SLC25A18: variants seen among roughly 807,000 people sequenced by gnomAD.
SLC25A18 encodes solute carrier family 25 member 18.
Under a neutral mutation model 31.1 loss-of-function variants are expected in SLC25A18, and 24 were observed. That is an observed-to-expected ratio of 0.77 (90% CI 0.56 to 1.08). The LOEUF (loss-of-function observed/expected upper bound fraction) is 1.08. SLC25A18 is among the 50% of genes least tolerant of loss of function. The pLI is 0.00. For missense variants in SLC25A18, 371 were observed against 418.5 expected (o/e 0.89, Z 0.99); for synonymous variants, 173 against 161.9 (o/e 1.07, Z -0.52).
chr22:17,581,463 G>A lies in SLC25A18; in HGVS notation c.199+50G>A, dbSNP rs766050016. 5 of 1,598,796 alleles carry A rather than the reference G, an allele frequency of 3.1e-6. No individual in the cohort carries two copies. In the Admixed American group the frequency reaches 6.7e-5, roughly 21 times the overall value. On this transcript the variant is annotated intron_variant, in intron 5 of 10. Transcript: ENST00000327451. ...GGCTGGGCAGCAGGTGTGAGCGTAT[G>A]GGACATGGGGAACTGGTGTTCCTTC...
intron 3 of SLC25A18, chr22:17,580,731 C>G: frequency 1.8e-6 from 2 of 1,133,904 alleles, no homozygotes; most frequent in East Asian, 1.0e-4. Flanking sequence ...GAGGACGGGC[C>G]GGGGAAGCTT....
chr22:17,568,324 A>G (rs1331954253), intron 1 of SLC25A18, among the ~76,000 whole-genome samples: 1 of 148,322 alleles, frequency 6.7e-6, no homozygotes, highest in Non-Finnish European at 1.5e-5. Flanking sequence ...CCGAGATGGC[A>G]CCACTGCCCT....
At chr22:17,572,021 A>C (rs1250545942) in intron 2 of SLC25A18, among the ~76,000 whole-genome samples, 6 of 151,006 alleles carry the variant, frequency 4.0e-5, no homozygotes, top group Non-Finnish European at 3.0e-5. Context: ...CCGTCTCAGA[A>C]AAAAAAAACA....
Position 17,583,216 on chromosome 22 carries a change from C to T in SLC25A18, c.291-200C>T, listed in dbSNP as rs116253601. 8.4e-3 allele frequency among the ~76,000 whole-genome samples: 1,274 copies of T among 152,322 alleles called. 15 individuals carry two copies. The highest frequency in any genetic ancestry group is 0.029 in the African/African-American group (1,194 of 41,562). On this transcript the variant is annotated intron_variant, in intron 6 of 10. Transcript: ENST00000327451. ...TGTTTTCAGCTTCCATGCGGTGCTACCTCCCTAGCAGGCTTTGTTTTAAAC... is the reference window on the plus strand; with the variant it reads ...TGTTTTCAGCTTCCATGCGGTGCTATCTCCCTAGCAGGCTTTGTTTTAAAC...
chr22:17,580,969 G>A lies in SLC25A18; in HGVS notation c.21-68G>A, dbSNP rs994896218. ...CTGTCTGTGCCCCTGCCCATTCCTG[G>A]CTGCATCCGCTCCCTAACCTGCCCC... On this transcript the variant is annotated intron_variant, in intron 3 of 10. Coordinates refer to ENST00000327451, the MANE Select transcript of SLC25A18 (RefSeq NM_031481.3). 2.0e-6 allele frequency: 3 copies of A among 1,488,492 alleles called. No individual in the cohort carries two copies. In the African/African-American group the frequency reaches 4.2e-5, roughly 21 times the overall value. The allele number at this position is 1,488,492 out of a possible 1,614,324, so 92.2% of individuals were successfully genotyped here. A position where few individuals can be genotyped will look rare whatever the true frequency, so the allele number is the denominator to read the frequency against.
rs764188022 is a variant in SLC25A18, at chr22:17,579,935, C to A, written c.-10C>A. ...CAGCCTTGTGTCCTGGGATCCCCAG[C>A]CCCTGCAGAATGACCCACCAGGATC... On this transcript the variant is annotated 5_prime_UTR_variant, in exon 3 of 11. Coordinates refer to ENST00000327451, the MANE Select transcript of SLC25A18 (RefSeq NM_031481.3). The A allele has an allele frequency of 6.2e-7, 1 of 1,609,860 alleles. No homozygotes were observed. Among genetic ancestry groups the A allele is most frequent in the Non-Finnish European group, 8.5e-7 (1 of 1,178,624 alleles).
intron 10 of SLC25A18, 134 bp from the exon 11 acceptor site, chr22:17,589,961 C>T (rs2057672445): frequency 1.8e-5 from 23 of 1,291,300 alleles, no homozygotes; most frequent in Non-Finnish European, 2.4e-5. Flanking sequence ...ACAGCTCCCA[C>T]ACCGTTGGCC....
intron 9 of SLC25A18, 88 bp from the exon 10 acceptor site, chr22:17,589,502 T>A: frequency 2.5e-6 from 3 of 1,205,000 alleles, no homozygotes; most frequent in Non-Finnish European, 3.6e-6. Flanking sequence ...ATGTGGTGGC[T>A]CTACAGGAGG....
At chr22:17,566,018 G>A (rs957187223) in intron 1 of SLC25A18, among the ~76,000 whole-genome samples, 7 of 152,090 alleles carry the variant, frequency 4.6e-5, no homozygotes, top group Non-Finnish European at 7.4e-5. Flanking sequence ...TTGAGGACCT[G>A]CCATACTGTC....
Position 17,579,717 on chromosome 22 carries a change from G to A in SLC25A18, c.-200-28G>A, listed in dbSNP as rs1006709905. ...GACGTGCGTCCTCGCCCATCTGTGA[G>A]GTGAGTGTTTCTCTGACTACTTTGC... is the stretch of plus-strand genomic sequence containing the variant. On this transcript the variant is annotated intron_variant, in intron 2 of 10. Coordinates refer to ENST00000327451, the MANE Select transcript of SLC25A18 (RefSeq NM_031481.3). 8 of 1,369,868 alleles carry A rather than the reference G, an allele frequency of 5.8e-6. No homozygotes were observed. The African/African-American group carries it at 7.3e-5, about 13-fold the overall frequency. The allele number at this position is 1,369,868 out of a possible 1,614,324, so 84.9% of individuals were successfully genotyped here. A position where few individuals can be genotyped will look rare whatever the true frequency, so the allele number is the denominator to read the frequency against.
At position 17,583,452 on chromosome 22, in the gene SLC25A18, G is replaced by T. The variant is rs370266488; in HGVS notation, c.327G>T (p.Gly109=). ...ACCTGAAGATGGAGATGCTTGCCGGGTGTGGGGCTGGGATGTGCCAGGTCG... is the reference window on the plus strand; with the variant it reads ...ACCTGAAGATGGAGATGCTTGCCGGTTGTGGGGCTGGGATGTGCCAGGTCG... ...QRNLKMEMLA[G]CGAGMCQVVV... The change falls in exon 7 of 11, where the codon GGG becomes GGT. Residue 109 remains glycine, a synonymous_variant. Transcript: ENST00000327451. The T allele has an allele frequency of 5.0e-5, 81 of 1,614,040 alleles. No homozygotes were observed. The highest frequency in any genetic ancestry group is 6.6e-5 in the Non-Finnish European group (78 of 1,180,042).
chr22:17,568,987 T>G (rs1323382646), intron 1 of SLC25A18, among the ~76,000 whole-genome samples: 4 of 151,856 alleles, frequency 2.6e-5, no homozygotes, highest in Non-Finnish European at 5.9e-5. Context: ...GGGAGGAAAG[T>G]CTTTTAAGAG....
At chr22:17,582,773 C>A in intron 6 of SLC25A18, 120 bp downstream of exon 6, 1 of 849,436 alleles carries the variant, frequency 1.2e-6, no homozygotes. Flanking sequence ...TATGTGCACA[C>A]ATGGCTGAGG....
In SLC25A18 at chr22:17,568,307, C is replaced by T. The variant is rs536077719; in HGVS notation, c.-263-1617C>T. Among the ~76,000 whole-genome samples the T allele has an allele frequency of 7.9e-4, 116 of 147,714 alleles. 1 individual carries two copies. The highest frequency in any genetic ancestry group is 2.7e-3 in the African/African-American group (108 of 39,784). ...GCGTGAACGTGGGAGGCTGAGCTTG[C>T]AGTGAGCCGAGATGGCACCACTGCC... On this transcript the variant is annotated intron_variant, in intron 1 of 10. Coordinates refer to ENST00000327451, the MANE Select transcript of SLC25A18 (RefSeq NM_031481.3).
intron 1 of SLC25A18, among the ~76,000 whole-genome samples, chr22:17,565,277 T>C (rs1203960234): frequency 6.6e-6 from 1 of 151,988 alleles, no homozygotes; most frequent in East Asian, 1.9e-4. Context: ...GAGACGGGGT[T>C]TTGCCATGTT....
chr22:17,587,415 GAGCAAAC>G, intron 8 of SLC25A18, 114 bp downstream of exon 8: 1 of 1,326,970 alleles, frequency 7.5e-7, no homozygotes, highest in Non-Finnish European at 1.0e-6. Flanking sequence ...AAACCCAGGT[GAGCAAAC>G]GATTTCCATG....
At chr22:17,585,373 G>C (rs1424595323) in intron 7 of SLC25A18, 1 of 151,864 alleles carries the variant, frequency 6.6e-6, no homozygotes, top group African/African-American at 2.4e-5. Context: ...CTAGGTGACA[G>C]AGCGAGACTC....
Position 17,579,842 on chromosome 22 carries a change from G to C in SLC25A18, c.-103G>C. On this transcript the variant is annotated 5_prime_UTR_variant, in exon 3 of 11. Coordinates refer to ENST00000327451, the MANE Select transcript of SLC25A18 (RefSeq NM_031481.3). The stretch of plus-strand genomic sequence containing the variant: ...CGTGCTCTGTCCACACTGCTACGGG[G>C]CCAGAGCCAAGGAAGCTTCCACTTC... 1 of 1,524,376 alleles carries C rather than the reference G, an allele frequency of 6.6e-7. No homozygotes were observed. The highest frequency in any genetic ancestry group is 8.8e-7 in the Non-Finnish European group (1 of 1,131,670). The allele number at this position is 1,524,376 out of a possible 1,614,324, so 94.4% of individuals were successfully genotyped here.
chr22:17,567,248 G>A (rs2056961212), intron 1 of SLC25A18, among the ~76,000 whole-genome samples: 1 of 150,850 alleles, frequency 6.6e-6, no homozygotes. Flanking sequence ...ATCTAGATAT[G>A]AGTCCCATCT....
Sources: allele counts gnomAD v4.1 joint callset (sites outside exome capture counted in the v4.1 genomes callset), GRCh38; gene constraint gnomAD v4.1.1; transcripts MANE v1.5; gene names NCBI Gene and HGNC (gene_info 2026-07-23, HGNC 2026-07-21).